Variants in KTN1 observed in about 807,000 individuals in gnomAD.
KTN1 encodes kinectin 1.
KTN1 carries 130 observed loss-of-function variants against 222.5 expected under a neutral mutation model. The observed-to-expected ratio is 0.58, with a 90% CI of 0.51 to 0.68. KTN1 has a LOEUF of 0.68. KTN1 is among the 30% of genes least tolerant of loss of function. The pLI, the probability that KTN1 is intolerant of heterozygous loss-of-function variation, is 0.00. For synonymous variants in KTN1, 512 were observed against 496.3 expected, an observed-to-expected ratio of 1.03 and a Z score of -0.42; for missense variants, 1,508 against 1,500.4, an observed-to-expected ratio of 1.01 and a Z score of -0.08.
At position 55,596,436 on chromosome 14, in the gene KTN1, CTT is replaced by C. The variant is rs1384855820; in HGVS notation, c.-30-15581_-30-15580del. On this transcript the variant is annotated intron_variant, in intron 1 of 43. Transcript: ENST00000395314. Reference sequence around the variant, plus strand: ...TGTGTCTGTTGAAGGCAACATCTGTCTTTGCATGGCTGTTGAGGTGATTGTGT... The same window carrying C: ...TGTGTCTGTTGAAGGCAACATCTGTCTGCATGGCTGTTGAGGTGATTGTGT... Among the ~76,000 whole-genome samples, 9 of 152,258 alleles carry C rather than the reference CTT, an allele frequency of 5.9e-5. No individual in the cohort carries two copies. In the East Asian group the frequency reaches 1.7e-3, roughly 29 times the overall value.
intron 18 of KTN1, 108 bp downstream of exon 18, chr14:55,641,868 G>A (rs45599941): frequency 1.4e-6 from 1 of 738,534 alleles, no homozygotes; most frequent in South Asian, 1.6e-5. Context: ...CTTAAGCTTA[G>A]ATATGGCTGT....
At chr14:55,613,480 G>T (rs1226885981) in intron 2 of KTN1, among the ~76,000 whole-genome samples, 1 of 150,298 alleles carries the variant, frequency 6.7e-6, no homozygotes, top group Non-Finnish European at 1.5e-5. Context: ...ACTTGTAGGA[G>T]GTTATATTTG....
chr14:55,599,568 G>T, intron 1 of KTN1, among the ~76,000 whole-genome samples: 1 of 150,328 alleles, frequency 6.7e-6, no homozygotes, highest in South Asian at 2.1e-4. Flanking sequence ...CAGAAGCACA[G>T]ATTCAAAGCG....
chr14:55,581,461 G>A lies in KTN1; in HGVS notation c.-31+1107G>A, dbSNP rs2031620053. Among the ~76,000 whole-genome samples the A allele has an allele frequency of 1.3e-5, 2 of 151,426 alleles. 1 individual carries two copies. Among genetic ancestry groups the A allele is most frequent in the South Asian group, 4.2e-4 (2 of 4,810 alleles). The stretch of plus-strand genomic sequence containing the variant: ...TGTTAAGGTGTGTGTGTGTGTGTGA[G>A]TGTGTGTGTGTGATGACTTTGTGGA... On this transcript the variant is annotated intron_variant, in intron 1 of 43. Transcript: ENST00000395314.
chr14:55,647,024 C>G lies in KTN1; in HGVS notation c.2207+17C>G, dbSNP rs781306403. Reference sequence around the variant, plus strand: ...GGAAAAATGGTAAGAGTTTAGTTTTCTTTTTATATTTTGATGAGTTACTTC... The same window carrying G: ...GGAAAAATGGTAAGAGTTTAGTTTTGTTTTTATATTTTGATGAGTTACTTC... On this transcript the variant is annotated intron_variant, in intron 19 of 43. Transcript: ENST00000395314. The G allele has an allele frequency of 3.5e-6, 5 of 1,437,782 alleles. No individual in the cohort carries two copies. Among genetic ancestry groups the G allele is most frequent in the Non-Finnish European group, 4.9e-6 (5 of 1,024,760 alleles). 89.1% of individuals were successfully genotyped at this position (1,437,782 alleles called of 1,614,324 possible). A position where few individuals can be genotyped will look rare whatever the true frequency, so the allele number is the denominator to read the frequency against.
intron 10 of KTN1, among the ~76,000 whole-genome samples, chr14:55,636,760 G>A (rs1457071407): frequency 1.3e-5 from 2 of 151,844 alleles, no homozygotes; most frequent in African/African-American, 4.8e-5. Context: ...CAAAATTATA[G>A]TACATGATAG....
chr14:55,667,394 C>T (rs1257702657), intron 34 of KTN1, 64 bp downstream of exon 34: 2 of 898,820 alleles, frequency 2.2e-6, no homozygotes, highest in African/African-American at 3.4e-5. Context: ...GAATAAGCAA[C>T]ATCATTTGCA....
chr14:55,678,464 C>G lies in KTN1; in HGVS notation c.3948+20C>G, dbSNP rs368655023. 3.4e-6 allele frequency: 5 copies of G among 1,470,498 alleles called. No individual in the cohort carries two copies. In the African/African-American group the frequency reaches 4.2e-5, roughly 12 times the overall value. The allele number at this position is 1,470,498 out of a possible 1,614,324, so 91.1% of individuals were successfully genotyped here. A position where few individuals can be genotyped will look rare whatever the true frequency, so the allele number is the denominator to read the frequency against. ...GAAACGGTATGTATTTTCTTCATCC[C>G]CAGATCTCTGAGCTAGTTACCTTGT... is the stretch of plus-strand genomic sequence containing the variant. On this transcript the variant is annotated intron_variant, in intron 42 of 43. Coordinates refer to ENST00000395314, the MANE Select transcript of KTN1 (RefSeq NM_001079521.2).
chr14:55,678,734 G>T lies in KTN1; in HGVS notation c.3948+290G>T, dbSNP rs1306091235. 7.2e-5 allele frequency: 23 copies of T among 318,716 alleles called. No individual in the cohort carries two copies. The East Asian group carries it at 1.3e-3, about 18-fold the overall frequency. The allele number at this position is 318,716 out of a possible 1,614,324, so 19.7% of individuals were successfully genotyped here. On this transcript the variant is annotated intron_variant, in intron 42 of 43. Coordinates refer to ENST00000395314, the MANE Select transcript of KTN1 (RefSeq NM_001079521.2). ...CCACACAGCAGGAGATGAGTGGTGGGTGAATGACCATTGCCGCCTGAGCTC... is the reference window on the plus strand; with the variant it reads ...CCACACAGCAGGAGATGAGTGGTGGTTGAATGACCATTGCCGCCTGAGCTC...
chr14:55,623,889 G>T (rs1287837313), intron 5 of KTN1, among the ~76,000 whole-genome samples: 3 of 152,136 alleles, frequency 2.0e-5, no homozygotes, highest in African/African-American at 7.2e-5. Flanking sequence ...GAAAGATGTT[G>T]CTGGTAGCTT....
intron 1 of KTN1, among the ~76,000 whole-genome samples, chr14:55,581,945 T>C (rs555698853): frequency 6.6e-6 from 1 of 151,844 alleles, no homozygotes; most frequent in South Asian, 2.1e-4. Flanking sequence ...TAACCTGAAA[T>C]AGCTGGGTCT....
At chr14:55,629,417 C>CAAA (rs58348373) in intron 6 of KTN1, among the ~76,000 whole-genome samples, 22 of 48,970 alleles carry the variant, frequency 4.5e-4, no homozygotes, top group African/African-American at 1.3e-3. Flanking sequence ...GACTCCGTCT[C>CAAA]AAAAAAAAAA....
chr14:55,618,589 G>A (rs2038716464), intron 4 of KTN1, among the ~76,000 whole-genome samples: 2 of 152,120 alleles, frequency 1.3e-5, no homozygotes, highest in African/African-American at 2.4e-5. Context: ...GAGTCTGATG[G>A]GTGGCAGCTC....
intron 3 of KTN1, 107 bp from the exon 4 acceptor site, chr14:55,617,857 C>T: frequency 1.2e-6 from 1 of 803,950 alleles, no homozygotes; most frequent in Non-Finnish European, 1.9e-6. Context: ...TTTGAGCTAC[C>T]AGTAAATGTT....
chr14:55,674,765 G>A (rs2045753791), intron 40 of KTN1: 1 of 152,034 alleles, frequency 6.6e-6, no homozygotes, highest in East Asian at 1.9e-4. Context: ...ATCATTTTTA[G>A]TGGTTGATAC....
At chr14:55,622,064 G>A (rs2039218051) in intron 5 of KTN1, among the ~76,000 whole-genome samples, 1 of 151,626 alleles carries the variant, frequency 6.6e-6, no homozygotes, top group African/African-American at 2.4e-5. Flanking sequence ...AGCCAGGATG[G>A]TCTCGATCTC....
At position 55,618,113 on chromosome 14, in the gene KTN1, C is replaced by G; in HGVS notation, c.811C>G (p.Leu271Val). 1 of 1,611,504 alleles carries G rather than the reference C, an allele frequency of 6.2e-7. No homozygotes were observed. The highest frequency in any genetic ancestry group is 1.3e-5 in the African/African-American group (1 of 74,942). ...EGIQKSGTKK[L>V]KTETDKENAE... ...GATCCAGAAATCTGGGACTAAAAAACTGAAGACCGAAACTGACAAAGGTAA... is the reference window on the plus strand; with the variant it reads ...GATCCAGAAATCTGGGACTAAAAAAGTGAAGACCGAAACTGACAAAGGTAA... The change falls in exon 4 of 44, where the codon CTG becomes GTG. Residue 271 changes from leucine (L) to valine (V), a missense_variant. Physicochemically the swap from Leu to Val is conservative, Grantham distance 32. Coordinates refer to ENST00000395314, the MANE Select transcript of KTN1 (RefSeq NM_001079521.2).
intron 34 of KTN1, chr14:55,667,534 T>C (rs1304716746): frequency 6.0e-6 from 2 of 332,950 alleles, no homozygotes; most frequent in African/African-American, 4.3e-5. Context: ...TTCTATAAAA[T>C]TTTATATATG....
Position 55,664,027 on chromosome 14 carries a change from A to C in KTN1, c.3163A>C (p.Asn1055His), listed in dbSNP as rs373464802. 9 of 1,610,464 alleles carry C rather than the reference A, an allele frequency of 5.6e-6. No homozygotes were observed. In the African/African-American group the frequency reaches 1.1e-4, roughly 19 times the overall value. The stretch of plus-strand genomic sequence containing the variant: ...TGAAAAAATGCTGCAGGACAAAGTG[A>C]ACAAGACTTCCAAGGTTGTAATGCT... ...STEKMLQDKV[N>H]KTSKERQQQV... The change falls in exon 33 of 44, where the codon AAC becomes CAC. Residue 1055 changes from asparagine to histidine, a missense_variant. Asn to His is a moderately conservative substitution (Grantham distance 68, BLOSUM62 1). Coordinates refer to ENST00000395314, the MANE Select transcript of KTN1 (RefSeq NM_001079521.2).
Sources: gnomAD v4.1 joint callset for allele counts (sites outside exome capture counted in the v4.1 genomes callset) on GRCh38, gnomAD v4.1.1 for gene constraint, MANE v1.5 for transcripts, NCBI Gene and HGNC (gene_info 2026-07-23, HGNC 2026-07-21) for gene names.